The following U2SURP variants were observed in gnomAD, a reference collection of about 807,000 sequenced individuals.
The protein encoded by U2SURP is U2 snRNP associated SURP domain containing, also known as U2 snRNP-associated SURP motif-containing protein.
In U2SURP, 9 loss-of-function variants were observed where a neutral mutation model predicts 144.9. The ratio of observed to expected loss-of-function variants is 0.06; its 90% CI spans 0.04 to 0.11. The LOEUF (loss-of-function observed/expected upper bound fraction) is 0.11, where lower values mean the gene tolerates loss of function less well. U2SURP is among the 10% of genes least tolerant of loss of function. The probability of loss-of-function intolerance (pLI) is 1.00; values close to 1 mark genes in which losing one functional copy is unlikely to be tolerated. For missense variants in U2SURP, 724 were observed against 1,226.7 expected, an observed-to-expected ratio of 0.59 and a Z score of 6.12; for synonymous variants, 408 against 396.8, an observed-to-expected ratio of 1.03 and a Z score of -0.33.
intron 24 of U2SURP, 100 bp downstream of exon 24, chr3:143,043,376 C>CCTTCT: frequency 1.6e-6 from 2 of 1,251,864 alleles, no homozygotes; most frequent in Non-Finnish European, 2.2e-6. Context: ...ACATACTGTT[C>CCTTCT]CTTCTCTCTG....
At chr3:143,042,939 A>C (rs1425007539) in intron 23 of U2SURP, among the ~76,000 whole-genome samples, 178 bp from the exon 24 acceptor site, 2 of 152,170 alleles carry the variant, frequency 1.3e-5, no homozygotes, top group African/African-American at 4.8e-5. Flanking sequence ...GTTTTATAAA[A>C]TTGTCTGTAA....
chr3:143,017,423 T>G (rs1447162799), intron 6 of U2SURP: 1 of 152,292 alleles, frequency 6.6e-6, no homozygotes, highest in South Asian at 2.1e-4. Flanking sequence ...TAGAAAAAAT[T>G]TTTTTTTCTT....
chr3:143,055,092 C>T lies in U2SURP; in HGVS notation c.2924C>T (p.Pro975Leu). The T allele has an allele frequency of 6.2e-7, 1 of 1,601,146 alleles. No homozygotes were observed. Among genetic ancestry groups the T allele is most frequent in the South Asian group, 1.1e-5 (1 of 87,572 alleles). Reference protein sequence around the residue: ...SRSRSSHKDSPRDVSKKAKRS... With the variant: ...SRSRSSHKDSLRDVSKKAKRS... ...TCCAGGTCATCTCACAAAGATTCTC[C>T]TAGAGATGTTAGCAAAAAAGCCAAA... Residue 975 changes from proline (P) to leucine (L), a missense_variant, in exon 27 of 28, where the codon CCT becomes CTT. Transcript: ENST00000473835.
intron 24 of U2SURP, among the ~76,000 whole-genome samples, chr3:143,046,297 A>ATTTTTTTT (rs11400849): frequency 5.6e-5 from 6 of 106,412 alleles, no homozygotes; most frequent in East Asian, 3.3e-4. Flanking sequence ...TTTATTTTTT[A>ATTTTTTTT]TTTTTTTTTA....
At chr3:143,027,561 T>A (rs1330201886) in intron 14 of U2SURP, among the ~76,000 whole-genome samples, 2 of 152,206 alleles carry the variant, frequency 1.3e-5, no homozygotes, top group Non-Finnish European at 2.9e-5. Context: ...TGTGACTAGC[T>A]TATTTCATTT....
rs115273584 is a variant in U2SURP, at chr3:143,029,629, C to T, written c.1610+983C>T. ...GGCCAGTTAATAATCCCACAATGGC[C>T]TCTTGAGTATTCAGGTGAAAGGAAG... On this transcript the variant is annotated intron_variant, in intron 16 of 27. Coordinates refer to ENST00000473835, the MANE Select transcript of U2SURP (RefSeq NM_001080415.2). Among the ~76,000 whole-genome samples the T allele has an allele frequency of 2.0e-3, 312 of 152,254 alleles. 1 individual carries two copies. Among genetic ancestry groups the T allele is most frequent in the African/African-American group, 7.1e-3 (295 of 41,538 alleles).
chr3:143,022,458 C>T (rs1299407345), intron 10 of U2SURP, 39 bp from the exon 11 acceptor site: 13 of 1,419,650 alleles, frequency 9.2e-6, no homozygotes, highest in Middle Eastern at 1.9e-4. Flanking sequence ...TTTCTTTTCC[C>T]TTTTTTGCAT....
intron 25 of U2SURP, among the ~76,000 whole-genome samples, chr3:143,052,014 G>A (rs1461006955): frequency 6.6e-6 from 1 of 152,048 alleles, no homozygotes; most frequent in Non-Finnish European, 1.5e-5. Flanking sequence ...ATCACCAGAG[G>A]GAGTCAGTCT....
intron 26 of U2SURP, among the ~76,000 whole-genome samples, chr3:143,054,358 A>G (rs1000027194): frequency 6.6e-6 from 1 of 152,342 alleles, no homozygotes; most frequent in African/African-American, 2.4e-5. Context: ...AGACCAAGCC[A>G]TTGCAAATAA....
chr3:143,032,685 A>C, intron 16 of U2SURP, 99 bp from the exon 17 acceptor site: 1 of 1,052,250 alleles, frequency 9.5e-7, no homozygotes, highest in Non-Finnish European at 1.4e-6. Flanking sequence ...GAATTATTTT[A>C]TGTGAGTAGG....
chr3:143,010,911 C>A, intron 2 of U2SURP, 52 bp downstream of exon 2: 2 of 1,353,196 alleles, frequency 1.5e-6, no homozygotes, highest in Admixed American at 1.8e-5. Flanking sequence ...TTAACTTCTC[C>A]TCATATGTAT....
intron 3 of U2SURP, among the ~76,000 whole-genome samples, chr3:143,012,743 C>T (rs929685546): frequency 1.3e-5 from 2 of 152,098 alleles, no homozygotes; most frequent in African/African-American, 4.8e-5. Flanking sequence ...ACTCTGAAAG[C>T]AAACAGGAGC....
chr3:143,001,767 G>T, intron 1 of U2SURP, 94 bp downstream of exon 1: 1 of 1,534,114 alleles, frequency 6.5e-7, no homozygotes, highest in Non-Finnish European at 8.9e-7. Flanking sequence ...ATTGGGATTG[G>T]GGTCTGCATT....
intron 1 of U2SURP, among the ~76,000 whole-genome samples, chr3:143,009,695 A>T (rs953594015): frequency 6.6e-6 from 1 of 152,182 alleles, no homozygotes; most frequent in Non-Finnish European, 1.5e-5. Context: ...GCTAATGCGC[A>T]ATACAGTGGA....
At chr3:143,048,732 T>C (rs1200990389) in intron 24 of U2SURP, among the ~76,000 whole-genome samples, 2 of 152,026 alleles carry the variant, frequency 1.3e-5, no homozygotes, top group African/African-American at 4.8e-5. Context: ...ACCCTGTCTG[T>C]ACTAAAAATA....
intron 6 of U2SURP, 22 bp downstream of exon 6, chr3:143,016,997 G>C: frequency 6.4e-7 from 1 of 1,554,044 alleles, no homozygotes; most frequent in Non-Finnish European, 8.6e-7. Context: ...TTAAGTAATT[G>C]ACCATTTATG....
chr3:143,044,345 A>G (rs1335958353), intron 24 of U2SURP, among the ~76,000 whole-genome samples: 3 of 123,320 alleles, frequency 2.4e-5, no homozygotes, highest in East Asian at 2.6e-4. Context: ...CTGGAGTGCA[A>G]TGGTGTGACC....
chr3:143,011,461 T>C (rs1449420785), intron 2 of U2SURP, among the ~76,000 whole-genome samples: 1 of 152,168 alleles, frequency 6.6e-6, no homozygotes, highest in Non-Finnish European at 1.5e-5. Flanking sequence ...CAAAACTATT[T>C]TGTAATAATA....
chr3:143,021,176 G>A (rs886364110), intron 8 of U2SURP, among the ~76,000 whole-genome samples, 174 bp from the exon 9 acceptor site: 5 of 152,148 alleles, frequency 3.3e-5, no homozygotes, highest in African/African-American at 1.2e-4. Context: ...GGGCGACAGA[G>A]CAAGAGTCTG....
Sources: allele counts gnomAD v4.1 joint callset (sites outside exome capture counted in the v4.1 genomes callset), GRCh38; gene constraint gnomAD v4.1.1; transcripts MANE v1.5; gene names NCBI Gene and HGNC (gene_info 2026-07-23, HGNC 2026-07-21).